The following ACVRL1 variants were observed in gnomAD, a reference collection of about 807,000 sequenced individuals.
ACVRL1 encodes the protein activin receptor type-1-like.
Under a neutral mutation model 51.9 loss-of-function variants are expected in ACVRL1, and 20 were observed. The ratio of observed to expected loss-of-function variants is 0.39; its 90% confidence interval spans 0.27 to 0.56. The LOEUF (loss-of-function observed/expected upper bound fraction) is 0.56. Ranked by LOEUF, ACVRL1 falls within the 20% of genes least tolerant of loss-of-function variation. ACVRL1 has a pLI of 0.67. For missense variants in ACVRL1, 451 were observed against 670.3 expected, an observed-to-expected ratio of 0.67 and a Z score of 3.61; for synonymous variants, 288 against 280.9, an observed-to-expected ratio of 1.03 and a Z score of -0.25.
chr12:51,915,594 A>G (rs1484573605), intron 7 of ACVRL1, 94 bp downstream of exon 7: 14 of 1,466,660 alleles, frequency 9.5e-6, no homozygotes, highest in Non-Finnish European at 1.2e-5. Context: ...CATGATTAGC[A>G]CTTGAAAATT....
intron 1 of ACVRL1, among the ~76,000 whole-genome samples, chr12:51,912,040 C>A (rs1273471246): frequency 1.3e-5 from 2 of 152,060 alleles, no homozygotes; most frequent in African/African-American, 4.8e-5. Flanking sequence ...GCAGCCAGGG[C>A]TGGGGGGGCA....
rs1421788765 is a variant in ACVRL1 at position 51,922,413 on chromosome 12, A to G, written c.*1520A>G. The stretch of plus-strand genomic sequence containing the variant: ...CTTCCTCCAAGGCTTCCAAGGCTCA[A>G]AAGAAATTTGGCTCCATCCAAGAAG... On this transcript the variant is annotated 3_prime_UTR_variant, in exon 10 of 10. Transcript: ENST00000388922. The G allele has an allele frequency of 1.3e-5, 2 of 152,336 alleles. No individual in the cohort carries two copies. The highest frequency in any genetic ancestry group is 6.5e-5 in the Admixed American group (1 of 15,272). 9.4% of individuals were successfully genotyped at this position (152,336 alleles called of 1,614,324 possible).
rs899573444 is a variant in ACVRL1 at position 51,919,001 on chromosome 12, T to C, written c.1263T>C (p.Tyr421=). The C allele has an allele frequency of 1.1e-5, 17 of 1,614,098 alleles. No individual in the cohort carries two copies. In the African/African-American group the frequency reaches 1.5e-4, roughly 14 times the overall value. The part of the protein sequence containing the change: ...RTIVNGIVED[Y]RPPFYDVVPN... ...CATTTCCAGGCATCGTGGAGGACTA[T>C]AGACCACCCTTCTATGATGTGGTGC... The change falls in exon 9 of 10, where the codon TAT becomes TAC. Residue 421 remains tyrosine (Y), a synonymous_variant. Transcript: ENST00000388922.
chr12:51,914,195 G>C (rs2139069473), intron 5 of ACVRL1, 122 bp downstream of exon 5: 2 of 927,610 alleles, frequency 2.2e-6, no homozygotes, highest in Non-Finnish European at 3.1e-6. Context: ...TTGGAATTCT[G>C]CTGGGCAGGG....
rs781024960 is a variant in ACVRL1, at chr12:51,916,079, C to T, written c.1092C>T (p.Ile364=). The change falls in exon 8 of 10, where the codon ATC becomes ATT. Residue 364 remains isoleucine, a synonymous_variant. Transcript: ENST00000388922. The stretch of plus-strand genomic sequence containing the variant: ...CACAGGGCAGCGATTACCTGGACAT[C>T]GGCAACAACCCGAGAGTGGGCACCA... ...MHSQGSDYLD[I]GNNPRVGTKR... 1.2e-5 allele frequency: 19 copies of T among 1,612,926 alleles called. No homozygotes were observed. Among genetic ancestry groups the T allele is most frequent in the African/African-American group, 6.7e-5 (5 of 74,906 alleles).
At chr12:51,910,419 C>T (rs773954305) in intron 1 of ACVRL1, among the ~76,000 whole-genome samples, 3 of 152,196 alleles carry the variant, frequency 2.0e-5, no homozygotes, top group Non-Finnish European at 4.4e-5. Context: ...ATGTTTCTTG[C>T]TGATTCCAGG....
At chr12:51,914,676 C>A (rs1940787817) in intron 6 of ACVRL1, 91 bp downstream of exon 6, 1 of 1,396,012 alleles carries the variant, frequency 7.2e-7, no homozygotes, top group South Asian at 1.3e-5. Context: ...TTAACAGAAC[C>A]CTGAAGGACT....
intron 3 of ACVRL1, 81 bp from the exon 4 acceptor site, chr12:51,913,478 A>G (rs959339849): frequency 1.3e-6 from 2 of 1,535,200 alleles, no homozygotes; most frequent in African/African-American, 2.7e-5. Context: ...GGACTCTGGG[A>G]TCTAACTGGC....
chr12:51,914,606 T>C, intron 6 of ACVRL1, 21 bp downstream of exon 6: 1 of 1,604,950 alleles, frequency 6.2e-7, no homozygotes, highest in Non-Finnish European at 8.5e-7. Flanking sequence ...AGGCCAGCTG[T>C]GCCAGGCCTG....
Position 51,922,234 on chromosome 12 carries a change from G to C in ACVRL1, c.*1341G>C, listed in dbSNP as rs369762691. 2.0e-5 allele frequency: 3 copies of C among 152,206 alleles called. No homozygotes were observed. The highest frequency in any genetic ancestry group is 3.8e-4 in the East Asian group (2 of 5,202). 9.4% of individuals were successfully genotyped at this position (152,206 alleles called of 1,614,324 possible). On this transcript the variant is annotated 3_prime_UTR_variant, in exon 10 of 10. Coordinates refer to ENST00000388922, the MANE Select transcript of ACVRL1 (RefSeq NM_000020.3). The stretch of plus-strand genomic sequence containing the variant: ...TTACCTGACTCAAGGAGTGTCTGGA[G>C]CACCTCCTAGTCTAAGTCTGCAAGC...
chr12:51,910,252 G>A (rs1047415654), intron 1 of ACVRL1, among the ~76,000 whole-genome samples: 2 of 152,168 alleles, frequency 1.3e-5, no homozygotes, highest in African/African-American at 4.8e-5. Context: ...TAGTAGATGG[G>A]GAGTATCCTG....
intron 2 of ACVRL1, 129 bp downstream of exon 2, chr12:51,912,664 GA>G: frequency 1.3e-6 from 1 of 796,016 alleles, no homozygotes; most frequent in Non-Finnish European, 2.1e-6. Context: ...CTGGAGAGTG[GA>G]GGACAGTGAG....
intron 6 of ACVRL1, 23 bp from the exon 7 acceptor site, chr12:51,915,202 T>G: frequency 6.2e-7 from 1 of 1,613,570 alleles, no homozygotes; most frequent in Non-Finnish European, 8.5e-7. Flanking sequence ...CTTGGCTGAG[T>G]CACCCAACCT....
In ACVRL1 at chr12:51,913,806, A is replaced by G. The variant is rs566059144; in HGVS notation, c.525+36A>G. 99 of 1,605,468 alleles carry G rather than the reference A, an allele frequency of 6.2e-5. 3 individuals carry two copies. The South Asian group carries it at 1.0e-3, about 17-fold the overall frequency. ...GGGGACCTGGGACACAGGGTGTAGG[A>G]GGGGCAGATAGGAACTGCAGAATCA... On this transcript the variant is annotated intron_variant, in intron 4 of 9. Coordinates refer to ENST00000388922, the MANE Select transcript of ACVRL1 (RefSeq NM_000020.3).
Position 51,914,589 on chromosome 12 carries a change from AGGGGAGAGGCCAGCTGTGCCAGGCCT to A in ACVRL1, c.772+9_772+34del, listed in dbSNP as rs1184640812. On this transcript the variant is annotated splice_donor_5th_base_variant and intron_variant, in intron 6 of 9. Transcript: ENST00000388922. Reference sequence around the variant, plus strand: ...CTCAGACACGACAACATCCTAGGCAAGGGGAGAGGCCAGCTGTGCCAGGCCTGGGGCTTTGCCCCCCTGCACTCAGG... The same window carrying A: ...CTCAGACACGACAACATCCTAGGCAAGGGGCTTTGCCCCCCTGCACTCAGG... 1.9e-6 allele frequency: 3 copies of A among 1,611,590 alleles called. No homozygotes were observed. In the African/African-American group the frequency reaches 4.0e-5, roughly 22 times the overall value.
chr12:51,918,331 C>T (rs986674139), intron 8 of ACVRL1, among the ~76,000 whole-genome samples: 43 of 152,202 alleles, frequency 2.8e-4, no homozygotes, highest in African/African-American at 1.0e-3. Context: ...AATCCTAGCC[C>T]TGTCACTTAC....
intron 9 of ACVRL1, chr12:51,919,371 G>C (rs899606990): frequency 2.9e-4 from 130 of 449,656 alleles, no homozygotes; most frequent in Non-Finnish European, 3.8e-4. Context: ...CTCTGTGTGT[G>C]TGTGTGTGTG....
chr12:51,919,401 GTGTT>G (rs1193214735), intron 9 of ACVRL1: 10 of 458,880 alleles, frequency 2.2e-5, no homozygotes, highest in African/African-American at 4.2e-5. Flanking sequence ...GTGTGTGTGT[GTGTT>G]TGAGAGTCAG....
chr12:51,919,363 CTGTGTGTGTGTGTG>C (rs55945390), intron 9 of ACVRL1: 132 of 387,824 alleles, frequency 3.4e-4, no homozygotes, highest in Middle Eastern at 1.5e-3. Flanking sequence ...ATCTGTGGCT[CTGTGTGTGTGTGTG>C]TGTGTGTGTG....
Sources: gnomAD v4.1 joint callset for allele counts (sites outside exome capture counted in the v4.1 genomes callset) on GRCh38, gnomAD v4.1.1 for gene constraint, MANE v1.5 for transcripts, NCBI Gene and HGNC (gene_info 2026-07-23, HGNC 2026-07-21) for gene names.